ENOX1: variants seen among roughly 807,000 people sequenced by gnomAD.
The protein encoded by ENOX1 is candidate growth-related and time keeping constitutive hydroquinone (NADH) oxidase.
In ENOX1, 42 loss-of-function variants were observed where a neutral mutation model predicts 82.5. The ratio of observed to expected loss-of-function variants is 0.51; its 90% confidence interval spans 0.40 to 0.66. The LOEUF is 0.66. Ranked by LOEUF, ENOX1 falls within the 30% of genes least tolerant of loss-of-function variation. ENOX1 has a pLI of 0.00. For synonymous variants in ENOX1, 271 were observed against 282.2 expected, an observed-to-expected ratio of 0.96 and a Z score of 0.40; for missense variants, 608 against 811.6, an observed-to-expected ratio of 0.75 and a Z score of 3.05.
At chr13:43,431,972 C>T (rs1281182679) in intron 3 of ENOX1, among the ~76,000 whole-genome samples, 1 of 152,158 alleles carries the variant, frequency 6.6e-6, no homozygotes, top group African/African-American at 2.4e-5. Flanking sequence ...CAAGTATAGG[C>T]CTTATACCCC....
At chr13:43,719,252 G>A (rs2088379538) in intron 1 of ENOX1, among the ~76,000 whole-genome samples, 1 of 150,298 alleles carries the variant, frequency 6.7e-6, no homozygotes, top group South Asian at 2.1e-4. Flanking sequence ...TGTTAACTGT[G>A]TTTTTATACC....
chr13:43,482,929 C>A (rs551733725), intron 3 of ENOX1, among the ~76,000 whole-genome samples: 61 of 152,118 alleles, frequency 4.0e-4, no homozygotes, highest in Non-Finnish European at 7.8e-4. Flanking sequence ...GTAAATACCC[C>A]CTGCCTCACT....
At chr13:43,547,261 C>T (rs2153697594) in intron 2 of ENOX1, 1 of 152,332 alleles carries the variant, frequency 6.6e-6, no homozygotes, top group African/African-American at 2.4e-5. Flanking sequence ...TAATCAACTA[C>T]AATCACAATT....
At chr13:43,544,760 C>G (rs1002747465) in intron 2 of ENOX1, 4 of 152,148 alleles carry the variant, frequency 2.6e-5, no homozygotes, top group African/African-American at 9.7e-5. Flanking sequence ...TAAGCGTCAC[C>G]TTACCTGGCA....
intron 15 of ENOX1, 92 bp from the exon 16 acceptor site, chr13:43,224,230 C>T (rs2041927158): frequency 9.8e-7 from 1 of 1,019,406 alleles, no homozygotes; most frequent in Admixed American, 2.0e-5. Flanking sequence ...ACTATTTTGT[C>T]AGGCTGAGTT....
At chr13:43,564,264 T>C (rs1473811038) in intron 2 of ENOX1, among the ~76,000 whole-genome samples, 1 of 152,098 alleles carries the variant, frequency 6.6e-6, no homozygotes, top group Non-Finnish European at 1.5e-5. Context: ...AAAATATCCA[T>C]ACTACGCAAA....
intron 2 of ENOX1, among the ~76,000 whole-genome samples, chr13:43,643,169 C>G (rs1446717735): frequency 6.6e-6 from 1 of 152,144 alleles, no homozygotes; most frequent in Non-Finnish European, 1.5e-5. Flanking sequence ...TTCTTGAGGG[C>G]AGGGGTTAGA....
intron 3 of ENOX1, among the ~76,000 whole-genome samples, chr13:43,480,510 T>G (rs946278715): frequency 6.6e-6 from 1 of 152,204 alleles, no homozygotes; most frequent in African/African-American, 2.4e-5. Context: ...AAGGATGATT[T>G]AAAAACTGAG....
chr13:43,677,147 G>C (rs1358587144), intron 1 of ENOX1, among the ~76,000 whole-genome samples: 3 of 151,946 alleles, frequency 2.0e-5, no homozygotes, highest in African/African-American at 7.3e-5. Context: ...TCCTTTCTGG[G>C]AGTGTAGTCA....
intron 3 of ENOX1, among the ~76,000 whole-genome samples, chr13:43,466,204 A>T (rs1310203539): frequency 1.3e-5 from 2 of 152,136 alleles, no homozygotes; most frequent in African/African-American, 4.8e-5. Flanking sequence ...AAATTCCAAT[A>T]ATAAAAGAGA....
At chr13:43,541,833 T>G (rs1320639638) in intron 2 of ENOX1, among the ~76,000 whole-genome samples, 1 of 152,200 alleles carries the variant, frequency 6.6e-6, no homozygotes, top group Non-Finnish European at 1.5e-5. Flanking sequence ...CCATTTAGGT[T>G]TTCAAGTTCT....
intron 12 of ENOX1, among the ~76,000 whole-genome samples, chr13:43,271,419 T>C (rs1293176585): frequency 6.6e-6 from 1 of 152,132 alleles, no homozygotes; most frequent in Non-Finnish European, 1.5e-5. Flanking sequence ...AGGATCTAGA[T>C]GCTGTCTCTG....
chr13:43,369,827 C>CCT (rs147353455), intron 5 of ENOX1, among the ~76,000 whole-genome samples: 9,846 of 152,252 alleles, frequency 0.065, 429 homozygotes, highest in Middle Eastern at 0.1. Flanking sequence ...GCAAGGAGAT[C>CCT]CTCCTGTTGC....
intron 1 of ENOX1, among the ~76,000 whole-genome samples, chr13:43,742,684 C>T (rs1472373273): frequency 6.6e-6 from 1 of 152,126 alleles, no homozygotes; most frequent in African/African-American, 2.4e-5. Context: ...TAACCACACA[C>T]CAAATAAGAG....
intron 5 of ENOX1, among the ~76,000 whole-genome samples, chr13:43,367,952 G>C (rs1040911629): frequency 1.3e-5 from 2 of 152,128 alleles, no homozygotes; most frequent in African/African-American, 4.8e-5. Flanking sequence ...AAGCAGAATA[G>C]CTCTTAGGTT....
chr13:43,532,948 CA>C (rs1479662826), intron 2 of ENOX1, among the ~76,000 whole-genome samples: 6 of 151,080 alleles, frequency 4.0e-5, no homozygotes, highest in African/African-American at 1.5e-4. Flanking sequence ...TGGATATAAC[CA>C]CATGAACAAA....
chr13:43,632,792 TA>T (rs1388110680), intron 2 of ENOX1, among the ~76,000 whole-genome samples: 1 of 152,148 alleles, frequency 6.6e-6, no homozygotes, highest in South Asian at 2.1e-4. Context: ...TAAACAGTAA[TA>T]AAATACCATT....
intron 1 of ENOX1, among the ~76,000 whole-genome samples, chr13:43,754,062 A>G (rs1198243228): frequency 6.8e-6 from 1 of 147,454 alleles, no homozygotes; most frequent in Non-Finnish European, 1.5e-5. Flanking sequence ...ATATATACAT[A>G]TATACGTATA....
intron 3 of ENOX1, among the ~76,000 whole-genome samples, chr13:43,430,268 C>T (rs1367808541): frequency 6.6e-6 from 1 of 152,142 alleles, no homozygotes; most frequent in African/African-American, 2.4e-5. Flanking sequence ...ACAAAACAAA[C>T]AACTGATCAG....
Sources: gnomAD v4.1 joint callset for allele counts (sites outside exome capture counted in the v4.1 genomes callset) on GRCh38, gnomAD v4.1.1 for gene constraint, MANE v1.5 for transcripts, NCBI Gene and HGNC (gene_info 2026-07-23, HGNC 2026-07-21) for gene names.